DCN: variants seen among roughly 807,000 people sequenced by gnomAD.
The protein encoded by DCN is bone proteoglycan II.
In DCN, 17 loss-of-function variants were observed where a neutral mutation model predicts 36.5. That is an observed-to-expected ratio of 0.47 (90% CI 0.32 to 0.70). The LOEUF (loss-of-function observed/expected upper bound fraction) is 0.70, where lower values mean the gene tolerates loss of function less well. DCN is among the 30% of genes least tolerant of loss of function. DCN has a pLI of 0.04. For synonymous variants in DCN, 163 were observed against 161.4 expected, an observed-to-expected ratio of 1.01 and a Z score of -0.07; for missense variants, 389 against 430.1, an observed-to-expected ratio of 0.90 and a Z score of 0.84.
chr12:91,148,093 A>T (rs543246829), intron 7 of DCN, among the ~76,000 whole-genome samples: 5 of 146,610 alleles, frequency 3.4e-5, no homozygotes, highest in South Asian at 2.1e-4. Context: ...TTTTTTTCTG[A>T]GACGGAGTCT....
At position 91,152,226 on chromosome 12, in the gene DCN, C is replaced by T. The variant is rs143665764; in HGVS notation, c.747-434G>A. Among the ~76,000 whole-genome samples the T allele has an allele frequency of 6.5e-4, 99 of 152,150 alleles. 2 individuals carry two copies. The East Asian group carries it at 0.015, about 24-fold the overall frequency. The stretch of plus-strand genomic sequence containing the variant: ...TAGGCATTGTGAGGGACAGAGGTCT[C>T]ATGGATCAAAAACCACTTTTCCCAT... On this transcript the variant is annotated intron_variant, in intron 6 of 7. Coordinates refer to ENST00000052754, the MANE Select transcript of DCN (RefSeq NM_001920.5).
chr12:91,175,823 A>T (rs555472845), intron 2 of DCN: 9 of 152,246 alleles, frequency 5.9e-5, no homozygotes, highest in African/African-American at 1.9e-4. Flanking sequence ...AAAACAAATT[A>T]AAAAATCAAC....
rs181958242 is a variant in DCN at position 91,143,890 on chromosome 12, A to G, written c.*2168T>C. On this transcript the variant is annotated 3_prime_UTR_variant, in exon 8 of 8. Transcript: ENST00000052754. Reference sequence around the variant, plus strand: ...TAAAGATATATATGTGTGTGTATATATATAAATATGGGGGGAAGTTGTGTT... The same window carrying G: ...TAAAGATATATATGTGTGTGTATATGTATAAATATGGGGGGAAGTTGTGTT... 5.6e-4 allele frequency: 84 copies of G among 150,404 alleles called. 2 individuals are homozygous for G. In the Admixed American group the frequency reaches 5.6e-3, roughly 10 times the overall value. The allele number at this position is 150,404 out of a possible 1,614,324, so 9.3% of individuals were successfully genotyped here.
At chr12:91,154,256 G>C (rs1881618030) in intron 5 of DCN, among the ~76,000 whole-genome samples, 1 of 152,048 alleles carries the variant, frequency 6.6e-6, no homozygotes, top group Non-Finnish European at 1.5e-5. Flanking sequence ...TTTTGTGTTA[G>C]AGCTGCTAGG....
chr12:91,177,022 T>A (rs1374200204), intron 2 of DCN: 1 of 152,778 alleles, frequency 6.5e-6, no homozygotes, highest in African/African-American at 2.4e-5. Context: ...CACTAGAACA[T>A]AAGATCCACA....
rs572602227 is a variant in DCN at position 91,141,292 on chromosome 12, C to T, written c.*4766G>A. 6 of 152,316 alleles carry T rather than the reference C, an allele frequency of 3.9e-5. No individual in the cohort carries two copies. Among genetic ancestry groups the T allele is most frequent in the South Asian group, 2.1e-4 (1 of 4,828 alleles). The allele number at this position is 152,316 out of a possible 1,614,324, so 9.4% of individuals were successfully genotyped here. On this transcript the variant is annotated 3_prime_UTR_variant, in exon 8 of 8. Coordinates refer to ENST00000052754, the MANE Select transcript of DCN (RefSeq NM_001920.5). Reference sequence around the variant, plus strand: ...CTTCTTGCTCACTTTACTCTGCTCACGTTTGTCCTCTCTGCTCTTGTTGGA... The same window carrying T: ...CTTCTTGCTCACTTTACTCTGCTCATGTTTGTCCTCTCTGCTCTTGTTGGA...
At chr12:91,164,095 A>G (rs1686123166) in intron 3 of DCN, among the ~76,000 whole-genome samples, 1 of 152,178 alleles carries the variant, frequency 6.6e-6, no homozygotes, top group African/African-American at 2.4e-5. Flanking sequence ...ACCACTGCTA[A>G]AAAGGTAAAC....
intron 3 of DCN, among the ~76,000 whole-genome samples, chr12:91,159,608 T>C (rs1220831410): frequency 2.6e-5 from 4 of 152,036 alleles, no homozygotes; most frequent in Non-Finnish European, 5.9e-5. Context: ...TTTTTTTATG[T>C]GTAAAGGTTT....
At chr12:91,147,161 T>C (rs3138286) in intron 7 of DCN, among the ~76,000 whole-genome samples, 4,399 of 152,290 alleles carry the variant, frequency 0.029, 215 homozygotes, top group African/African-American at 0.1. Context: ...GACATCCTTC[T>C]ACTCTGACCT....
intron 3 of DCN, among the ~76,000 whole-genome samples, chr12:91,159,551 A>G (rs1882027395): frequency 6.6e-6 from 1 of 152,100 alleles, no homozygotes; most frequent in Non-Finnish European, 1.5e-5. Context: ...TATGGTCAAT[A>G]TGACACAGAG....
intron 1 of DCN, chr12:91,180,808 G>C (rs1371598720): frequency 1.3e-5 from 2 of 152,102 alleles, no homozygotes; most frequent in Non-Finnish European, 2.9e-5. Context: ...CCACAAGCTT[G>C]CTAGCCTTGC....
intron 2 of DCN, among the ~76,000 whole-genome samples, chr12:91,173,219 T>G (rs956763483): frequency 7.9e-5 from 12 of 152,156 alleles, no homozygotes; most frequent in African/African-American, 2.7e-4. Flanking sequence ...ACCCAGGGAA[T>G]TGATATTTTA....
chr12:91,154,734 TA>T (rs1881650731), intron 5 of DCN, among the ~76,000 whole-genome samples: 1 of 152,164 alleles, frequency 6.6e-6, no homozygotes, highest in Non-Finnish European at 1.5e-5. Flanking sequence ...TTTCCTTTTT[TA>T]AGATAAAATA....
rs1012922710 is a variant in DCN at position 91,142,766 on chromosome 12, C to T, written c.*3292G>A. 1.3e-5 allele frequency: 2 copies of T among 152,098 alleles called. No individual in the cohort carries two copies. The highest frequency in any genetic ancestry group is 2.4e-5 in the African/African-American group (1 of 41,424). 9.4% of individuals were successfully genotyped at this position (152,098 alleles called of 1,614,324 possible). A position where few individuals can be genotyped will look rare whatever the true frequency, so the allele number is the denominator to read the frequency against. On this transcript the variant is annotated 3_prime_UTR_variant, in exon 8 of 8. Transcript: ENST00000052754. The stretch of plus-strand genomic sequence containing the variant: ...AGAGGCCTTTCCAACCAGGAGGGGT[C>T]AGAGACAAATTTTTAAGTTTCCAAC...
intron 7 of DCN, among the ~76,000 whole-genome samples, chr12:91,147,342 C>T (rs891144546): frequency 6.6e-6 from 1 of 152,218 alleles, no homozygotes; most frequent in Non-Finnish European, 1.5e-5. Context: ...ACCAGAGAGA[C>T]CTTCCCTGAC....
chr12:91,174,135 A>G (rs1592706829), intron 2 of DCN, among the ~76,000 whole-genome samples: 1 of 152,174 alleles, frequency 6.6e-6, no homozygotes, highest in Non-Finnish European at 1.5e-5. Flanking sequence ...CAAATACTTC[A>G]TTGTTCTCAA....
chr12:91,148,036 C>T (rs924758828), intron 7 of DCN, among the ~76,000 whole-genome samples: 13 of 150,976 alleles, frequency 8.6e-5, no homozygotes, highest in South Asian at 2.1e-4. Flanking sequence ...TGAAATCATA[C>T]AAGCAAGGTT....
chr12:91,149,041 C>T (rs1453603724), intron 7 of DCN, among the ~76,000 whole-genome samples: 2 of 151,876 alleles, frequency 1.3e-5, no homozygotes, highest in Admixed American at 6.6e-5. Context: ...AATATCAAGA[C>T]GTAAGTATTA....
chr12:91,148,622 A>G (rs1881194415), intron 7 of DCN, among the ~76,000 whole-genome samples: 1 of 145,602 alleles, frequency 6.9e-6, no homozygotes, highest in Non-Finnish European at 1.5e-5. Context: ...AGGCTGAGGC[A>G]GGAGAATTTC....
Sources: allele counts gnomAD v4.1 joint callset (sites outside exome capture counted in the v4.1 genomes callset), GRCh38; gene constraint gnomAD v4.1.1; transcripts MANE v1.5; gene names NCBI Gene and HGNC (gene_info 2026-07-23, HGNC 2026-07-21).